The following SLC44A5 variants were observed in gnomAD, a reference collection of about 807,000 sequenced individuals.
SLC44A5 encodes solute carrier family 44 member 5.
In SLC44A5, 57 loss-of-function variants were observed where a neutral mutation model predicts 101.8. The ratio of observed to expected loss-of-function variants is 0.56; its 90% CI spans 0.45 to 0.70. The LOEUF (loss-of-function observed/expected upper bound fraction) is 0.70. Among genes scored for constraint, SLC44A5 ranks in the 30% least tolerant of loss-of-function variants. The pLI, the probability that SLC44A5 is intolerant of heterozygous loss-of-function variation, is 0.00. For missense variants in SLC44A5, 737 were observed against 853.1 expected, an observed-to-expected ratio of 0.86 and a Z score of 1.70; for synonymous variants, 281 against 290.9, an observed-to-expected ratio of 0.97 and a Z score of 0.35.
the SLC44A5 span, among the ~76,000 whole-genome samples, chr1:75,684,518 T>TTGGAGAAATTGGCCAATTTCAAAG: frequency 6.6e-6 from 1 of 152,106 alleles, no homozygotes; most frequent in African/African-American, 2.4e-5. Flanking sequence ...ATTAGCTAAA[T>TTGGAGAAATTGGCCAATTTCAAAG]TGGAGAAATT....
At chr1:75,668,871 T>G in the SLC44A5 span, among the ~76,000 whole-genome samples, 2 of 151,294 alleles carry the variant, frequency 1.3e-5, no homozygotes, top group Non-Finnish European at 2.9e-5. Context: ...ACAACGCACC[T>G]GTAATCCCAG....
chr1:75,505,067 T>C (rs1236923588), intron 2 of SLC44A5, among the ~76,000 whole-genome samples: 1 of 152,106 alleles, frequency 6.6e-6, no homozygotes, highest in Non-Finnish European at 1.5e-5. Context: ...ACCCAATGTT[T>C]AGCTGTCAGT....
intron 2 of SLC44A5, among the ~76,000 whole-genome samples, chr1:75,537,798 C>T (rs1422733440): frequency 6.6e-6 from 1 of 152,168 alleles, no homozygotes. Context: ...AAACTTCTTT[C>T]ATTCTTTTTT....
chr1:75,557,528 G>T (rs114596177), intron 1 of SLC44A5, among the ~76,000 whole-genome samples: 2,451 of 152,210 alleles, frequency 0.016, 76 homozygotes, highest in African/African-American at 0.057. Context: ...CATCTAGAAA[G>T]TTCTCTGGTG....
At chr1:75,223,294 T>C in intron 13 of SLC44A5, among the ~76,000 whole-genome samples, 1 of 152,212 alleles carries the variant, frequency 6.6e-6, no homozygotes, top group East Asian at 1.9e-4. Context: ...GTAAATACCA[T>C]CTGCTCTGTT....
chr1:75,377,238 A>T (rs1414903680), intron 3 of SLC44A5, among the ~76,000 whole-genome samples: 3 of 132,794 alleles, frequency 2.3e-5, no homozygotes, highest in Non-Finnish European at 4.8e-5. Context: ...TGCTCTCTGA[A>T]ACGTGTGCTG....
intron 2 of SLC44A5, among the ~76,000 whole-genome samples, chr1:75,504,795 C>A (rs972009213): frequency 6.6e-6 from 1 of 151,914 alleles, no homozygotes; most frequent in Non-Finnish European, 1.5e-5. Context: ...AGGGAAATAC[C>A]GCTCTATCCC....
Position 75,351,846 on chromosome 1 carries a change from C to CA in SLC44A5, c.53-12217dup, listed in dbSNP as rs71071942. Among the ~76,000 whole-genome samples, 100 of 28,404 alleles carry CA rather than the reference C, an allele frequency of 3.5e-3. 1 individual carries two copies. Among genetic ancestry groups the CA allele is most frequent in the African/African-American group, 0.011 (87 of 7,854 alleles). The allele number at this position is 28,404 out of a possible 152,430, so 18.6% of individuals were successfully genotyped here. A position where few individuals can be genotyped will look rare whatever the true frequency, so the allele number is the denominator to read the frequency against. ...CATCATAATGAATAACACACTTTAC[C>CA]AAAAAAAAAAAAAAAAAAAAAAAGA... On this transcript the variant is annotated intron_variant, in intron 3 of 23. Transcript: ENST00000370859.
chr1:75,692,549 A>G, the SLC44A5 span, among the ~76,000 whole-genome samples: 1 of 152,132 alleles, frequency 6.6e-6, no homozygotes, highest in Non-Finnish European at 1.5e-5. Context: ...AGGAGCATTA[A>G]TGGTTTATTT....
the SLC44A5 span, among the ~76,000 whole-genome samples, chr1:75,679,165 G>A: frequency 3.3e-5 from 5 of 152,126 alleles, no homozygotes; most frequent in Non-Finnish European, 5.9e-5. Flanking sequence ...TGGGGAGAAC[G>A]GAACCAAGTT....
intron 23 of SLC44A5, among the ~76,000 whole-genome samples, chr1:75,209,374 T>C (rs1045155614): frequency 2.6e-5 from 4 of 152,160 alleles, no homozygotes; most frequent in Admixed American, 6.6e-5. Context: ...ATTGCTCCCA[T>C]GGTTAATGTT....
chr1:75,715,419 A>C, the SLC44A5 span, among the ~76,000 whole-genome samples: 1 of 152,226 alleles, frequency 6.6e-6, no homozygotes, highest in Non-Finnish European at 1.5e-5. Flanking sequence ...CAGTAACCAA[A>C]ACGGCATAGT....
intron 2 of SLC44A5, among the ~76,000 whole-genome samples, chr1:75,487,927 A>G (rs1002534220): frequency 5.3e-5 from 8 of 152,126 alleles, no homozygotes; most frequent in African/African-American, 1.9e-4. Context: ...CATTTCTCAC[A>G]TTACCACCTG....
intron 2 of SLC44A5, among the ~76,000 whole-genome samples, chr1:75,502,778 GA>G (rs916962588): frequency 7.0e-6 from 1 of 142,364 alleles, no homozygotes; most frequent in African/African-American, 2.6e-5. Flanking sequence ...AATGGACTTA[GA>G]AAAATTAATA....
chr1:75,628,873 T>C, the SLC44A5 span, among the ~76,000 whole-genome samples: 8 of 152,084 alleles, frequency 5.3e-5, no homozygotes, highest in Non-Finnish European at 1.2e-4. Flanking sequence ...AAAGGTAGCT[T>C]TAGATGAAAT....
At chr1:75,684,792 G>A in the SLC44A5 span, among the ~76,000 whole-genome samples, 3 of 152,154 alleles carry the variant, frequency 2.0e-5, no homozygotes, top group Non-Finnish European at 2.9e-5. Context: ...GGTGCATGGT[G>A]CAAGCTGTCA....
At chr1:75,521,503 A>T (rs1670122954) in intron 2 of SLC44A5, 1 of 152,234 alleles carries the variant, frequency 6.6e-6, no homozygotes. Flanking sequence ...ATTTGTGAAA[A>T]CAGTTTAAAA....
At chr1:75,377,147 G>A (rs1660687348) in intron 3 of SLC44A5, among the ~76,000 whole-genome samples, 1 of 151,084 alleles carries the variant, frequency 6.6e-6, no homozygotes, top group African/African-American at 2.4e-5. Flanking sequence ...AGTAGACATA[G>A]GAGACTCCAT....
chr1:75,625,739 G>C, the SLC44A5 span, among the ~76,000 whole-genome samples: 3 of 151,998 alleles, frequency 2.0e-5, no homozygotes, highest in Admixed American at 6.6e-5. Flanking sequence ...TTTATTTCTG[G>C]TAGTCTAGTC....
Sources: gnomAD v4.1 joint callset for allele counts (sites outside exome capture counted in the v4.1 genomes callset) on GRCh38, gnomAD v4.1.1 for gene constraint, MANE v1.5 for transcripts, NCBI Gene and HGNC (gene_info 2026-07-23, HGNC 2026-07-21) for gene names.